The following GNAO1 variants were observed in gnomAD, a reference collection of about 807,000 sequenced individuals.
GNAO1 encodes guanine nucleotide-binding protein G(o) subunit alpha.
For missense variants in GNAO1, 166 were observed against 478.7 expected, an observed-to-expected ratio of 0.35 and a Z score of 6.10; for synonymous variants, 164 against 180.7, an observed-to-expected ratio of 0.91 and a Z score of 0.74.
At chr16:56,292,018 A>G (rs1346327917) in intron 3 of GNAO1, among the ~76,000 whole-genome samples, 5 of 152,200 alleles carry the variant, frequency 3.3e-5, no homozygotes, top group East Asian at 1.9e-4. Flanking sequence ...CCATAGCACC[A>G]TTGCCTGCCC....
intron 2 of GNAO1, among the ~76,000 whole-genome samples, chr16:56,222,780 C>G (rs62036913): frequency 2.0e-5 from 3 of 152,284 alleles, no homozygotes; most frequent in Non-Finnish European, 4.4e-5. Flanking sequence ...AGTCCTTTCC[C>G]TTGACACGTG....
chr16:56,300,500 C>G (rs2037334340), intron 3 of GNAO1: 2 of 152,190 alleles, frequency 1.3e-5, no homozygotes, highest in Non-Finnish European at 2.9e-5. Flanking sequence ...CTTTAATCCT[C>G]ATAACACCCT....
chr16:56,330,317 C>T (rs1013863401), intron 4 of GNAO1, among the ~76,000 whole-genome samples: 30 of 152,294 alleles, frequency 2.0e-4, no homozygotes, highest in Admixed American at 7.2e-4. Context: ...CTTCCACTCC[C>T]TGTCCCTGCC....
At chr16:56,217,167 C>G (rs1042993214) in intron 2 of GNAO1, among the ~76,000 whole-genome samples, 3 of 152,158 alleles carry the variant, frequency 2.0e-5, no homozygotes, top group Admixed American at 2.0e-4. Context: ...CATGCTGAAA[C>G]CATTCATCTT....
At chr16:56,319,553 A>C (rs2617837) in intron 3 of GNAO1, among the ~76,000 whole-genome samples, 151,836 of 152,236 alleles carry the variant, frequency 1, 75,719 homozygotes, top group Middle Eastern at 1. Flanking sequence ...CAGCACCCCT[A>C]CCTGCTGCGC....
chr16:56,318,591 T>C (rs1257979542), intron 3 of GNAO1, among the ~76,000 whole-genome samples: 2 of 152,226 alleles, frequency 1.3e-5, no homozygotes, highest in Non-Finnish European at 2.9e-5. Context: ...TGTGTGTGTG[T>C]GCGTGCGCGT....
At chr16:56,303,374 G>A (rs2037363360) in intron 3 of GNAO1, among the ~76,000 whole-genome samples, 1 of 152,220 alleles carries the variant, frequency 6.6e-6, no homozygotes, top group Admixed American at 6.5e-5. Context: ...AGGCTGGCGG[G>A]CAGCCTTCCC....
chr16:56,229,626 T>TGGATGGAC lies in GNAO1; in HGVS notation c.161+37017_161+37018insCGGATGGA, dbSNP rs2036569314. Among the ~76,000 whole-genome samples the TGGATGGAC allele has an allele frequency of 2.6e-5, 4 of 152,126 alleles. No individual in the cohort carries two copies. The South Asian group carries it at 8.3e-4, about 32-fold the overall frequency. On this transcript the variant is annotated intron_variant, in intron 2 of 8. Transcript: ENST00000262493. The stretch of plus-strand genomic sequence containing the variant: ...ATGGGTGGGTGGATGGATGGATGGA[T>TGGATGGAC]GGATGGATGGATGGATGGATGGATG...
chr16:56,278,044 C>T (rs139448244), intron 3 of GNAO1, among the ~76,000 whole-genome samples: 4 of 152,180 alleles, frequency 2.6e-5, no homozygotes, highest in African/African-American at 9.6e-5. Flanking sequence ...GCTTGGGAAT[C>T]GCTAGGACTA....
At chr16:56,234,869 A>T (rs1450421033) in intron 2 of GNAO1, 2 of 172,388 alleles carry the variant, frequency 1.2e-5, no homozygotes, top group Non-Finnish European at 2.5e-5. Flanking sequence ...CATCTGCTTG[A>T]GCCAGAGAAT....
At chr16:56,313,290 C>T (rs1471126535) in intron 3 of GNAO1, among the ~76,000 whole-genome samples, 1 of 151,814 alleles carries the variant, frequency 6.6e-6, no homozygotes, top group African/African-American at 2.4e-5. Flanking sequence ...TCAAGGACCC[C>T]AGTAAGCATT....
At chr16:56,336,629 C>T in intron 5 of GNAO1, 102 bp from the exon 6 acceptor site, 1 of 1,091,858 alleles carries the variant, frequency 9.2e-7, no homozygotes, top group Non-Finnish European at 1.3e-6. Flanking sequence ...GCTCTGAGCA[C>T]CATGGCCCCC....
At chr16:56,315,678 G>A (rs1278931950) in intron 3 of GNAO1, among the ~76,000 whole-genome samples, 2 of 152,140 alleles carry the variant, frequency 1.3e-5, no homozygotes, top group Non-Finnish European at 2.9e-5. Context: ...CCCTTTCCTG[G>A]TGGTCAGAAG....
intron 3 of GNAO1, chr16:56,300,744 A>G (rs1304911844): frequency 3.9e-5 from 6 of 152,258 alleles, no homozygotes; most frequent in African/African-American, 1.4e-4. Flanking sequence ...CTTTTACACA[A>G]ATCGATCTGA....
chr16:56,351,276 C>A lies in GNAO1; in HGVS notation c.724-108C>A. 1 of 721,108 alleles carries A rather than the reference C, an allele frequency of 1.4e-6. No homozygotes were observed. Among genetic ancestry groups the A allele is most frequent in the Non-Finnish European group, 2.3e-6 (1 of 429,190 alleles). The allele number at this position is 721,108 out of a possible 1,614,324, so 44.7% of individuals were successfully genotyped here. A position where few individuals can be genotyped will look rare whatever the true frequency, so the allele number is the denominator to read the frequency against. On this transcript the variant is annotated intron_variant, in intron 6 of 8. Transcript: ENST00000262493. The surrounding 1 kb of genome is among the most constrained non-coding windows in gnomAD (Gnocchi z 6.1). Reference sequence around the variant, plus strand: ...TCTGGCAGCCTCTCGGAGGAGCTGCCGAGTAGCCCAGTCCCTCTCTGTCAA... The same window carrying A: ...TCTGGCAGCCTCTCGGAGGAGCTGCAGAGTAGCCCAGTCCCTCTCTGTCAA...
chr16:56,290,714 C>A (rs2037222510), intron 3 of GNAO1, among the ~76,000 whole-genome samples: 1 of 152,154 alleles, frequency 6.6e-6, no homozygotes, highest in Non-Finnish European at 1.5e-5. Context: ...CTCTGTGCAT[C>A]CACTCCTGGA....
intron 3 of GNAO1, among the ~76,000 whole-genome samples, chr16:56,322,632 T>G (rs991102939): frequency 4.6e-5 from 7 of 152,008 alleles, no homozygotes; most frequent in African/African-American, 1.7e-4. Flanking sequence ...ACCCGTTAGT[T>G]CTCAGCTTGG....
rs762797226 is a variant in GNAO1, at chr16:56,327,543, G to A, written c.304-1088G>A. On this transcript the variant is annotated intron_variant, in intron 3 of 8. Coordinates refer to ENST00000262493, the MANE Select transcript of GNAO1 (RefSeq NM_020988.3). ...CCTTTGTACGCTAAGTACTACTCCC[G>A]TGTGCAAGGTGGCGGTGACGGTGCA... Among the ~76,000 whole-genome samples the A allele has an allele frequency of 2.6e-5, 4 of 152,104 alleles. No homozygotes were observed. In the East Asian group the frequency reaches 5.8e-4, roughly 22 times the overall value.
rs2037636768 is a variant in GNAO1, at chr16:56,326,814, A to G, written c.304-1817A>G. Among the ~76,000 whole-genome samples, 2 of 152,194 alleles carry G rather than the reference A, an allele frequency of 1.3e-5. No individual in the cohort carries two copies. The highest frequency in any genetic ancestry group is 4.8e-5 in the African/African-American group (2 of 41,444). On this transcript the variant is annotated intron_variant, in intron 3 of 8. Coordinates refer to ENST00000262493, the MANE Select transcript of GNAO1 (RefSeq NM_020988.3). The surrounding 1 kb of genome is among the most constrained non-coding windows in gnomAD (Gnocchi z 4.8). ...TCTGCTCTCACCTACTCTGCGTTGG[A>G]CATTAAAGGCTGTGGCTGCCTCAGA... is the stretch of plus-strand genomic sequence containing the variant.
Sources: gnomAD v4.1 joint callset for allele counts (sites outside exome capture counted in the v4.1 genomes callset) on GRCh38, gnomAD v4.1.1 for gene constraint, Gnocchi (gnomAD v3.1) non-coding constraint, MANE v1.5 for transcripts, NCBI Gene and HGNC (gene_info 2026-07-23, HGNC 2026-07-21) for gene names.